The following LRRC7 variants were observed in gnomAD, a reference collection of about 807,000 sequenced individuals.
The protein encoded by LRRC7 is leucine-rich repeat-containing protein 7.
In LRRC7, 23 loss-of-function variants were observed where a neutral mutation model predicts 175.7. That is an observed-to-expected ratio of 0.13 (90% confidence interval 0.09 to 0.19). The LOEUF is 0.19. LRRC7 is among the 10% of genes least tolerant of loss of function. The pLI is 1.00. For synonymous variants in LRRC7, 685 were observed against 680.9 expected (o/e 1.01, Z -0.09); for missense variants, 1,354 against 1,904.7 (o/e 0.71, Z 5.38).
chr1:69,634,845 G>A (rs542268726), intron 1 of LRRC7, among the ~76,000 whole-genome samples: 36 of 152,186 alleles, frequency 2.4e-4, no homozygotes, highest in Admixed American at 7.2e-4. Context: ...AGACTGGGCC[G>A]CAGACTGAAG....
intron 1 of LRRC7, among the ~76,000 whole-genome samples, chr1:69,598,180 A>G (rs760697408): frequency 5.3e-5 from 8 of 151,950 alleles, no homozygotes; most frequent in Non-Finnish European, 1.0e-4. Context: ...GGCTTTTCCT[A>G]CTCTGCTGCT....
intron 8 of LRRC7, among the ~76,000 whole-genome samples, chr1:69,949,551 A>G (rs772368313): frequency 4.1e-5 from 6 of 147,116 alleles, no homozygotes; most frequent in Non-Finnish European, 9.1e-5. Context: ...AGCAAGACCC[A>G]GTCCCAAAGA....
At chr1:70,033,456 G>GTCA (rs888084716) in intron 18 of LRRC7, among the ~76,000 whole-genome samples, 4 of 152,004 alleles carry the variant, frequency 2.6e-5, no homozygotes, top group African/African-American at 4.8e-5. Context: ...TATCATCATT[G>GTCA]TCATCATCAT....
At chr1:69,714,004 C>A (rs551783144) in intron 2 of LRRC7, among the ~76,000 whole-genome samples, 2 of 152,116 alleles carry the variant, frequency 1.3e-5, no homozygotes, top group East Asian at 1.9e-4. Flanking sequence ...TCATCCAGCA[C>A]CCTCATAACA....
intron 14 of LRRC7, among the ~76,000 whole-genome samples, chr1:70,017,346 T>G (rs1415525348): frequency 2.6e-5 from 4 of 152,206 alleles, no homozygotes; most frequent in Non-Finnish European, 5.9e-5. Context: ...ATATTATTTT[T>G]TATCCTCTTG....
intron 7 of LRRC7, among the ~76,000 whole-genome samples, chr1:69,843,858 G>A (rs1682016046): frequency 6.6e-6 from 1 of 152,122 alleles, no homozygotes; most frequent in Non-Finnish European, 1.5e-5. Context: ...GAAGACTAAA[G>A]AGACTAAAAT....
intron 25 of LRRC7, among the ~76,000 whole-genome samples, chr1:70,093,256 A>C (rs779648901): frequency 1.3e-5 from 2 of 152,186 alleles, no homozygotes; most frequent in Non-Finnish European, 2.9e-5. Flanking sequence ...AAGCAATAAA[A>C]ATAATGGCCT....
intron 8 of LRRC7, among the ~76,000 whole-genome samples, chr1:69,943,910 G>C (rs1649004311): frequency 6.8e-6 from 1 of 148,016 alleles, no homozygotes; most frequent in Non-Finnish European, 1.5e-5. Context: ...AATAAAAAAT[G>C]AAAGTTTTTT....
At chr1:69,909,267 T>A (rs1255853862) in intron 7 of LRRC7, among the ~76,000 whole-genome samples, 3 of 152,156 alleles carry the variant, frequency 2.0e-5, no homozygotes, top group Admixed American at 6.6e-5. Context: ...TAGCCCATTT[T>A]CATTTAAAAT....
At chr1:70,010,797 A>C (rs180687457) in intron 11 of LRRC7, among the ~76,000 whole-genome samples, 112 of 152,196 alleles carry the variant, frequency 7.4e-4, no homozygotes, top group African/African-American at 2.6e-3. Flanking sequence ...CAGCTATCTC[A>C]AACCAGGCAT....
At chr1:69,923,595 G>C (rs1050435901) in intron 7 of LRRC7, among the ~76,000 whole-genome samples, 1 of 152,166 alleles carries the variant, frequency 6.6e-6, no homozygotes, top group Non-Finnish European at 1.5e-5. Flanking sequence ...CTGCATAAAT[G>C]TCTTCTTTTC....
intron 4 of LRRC7, among the ~76,000 whole-genome samples, chr1:69,819,728 T>C (rs1047459345): frequency 2.6e-5 from 4 of 152,072 alleles, no homozygotes; most frequent in African/African-American, 9.7e-5. Context: ...ATTTAGGTTA[T>C]CTGATATTGG....
At chr1:69,984,396 A>G (rs1238800417) in intron 9 of LRRC7, among the ~76,000 whole-genome samples, 3 of 152,184 alleles carry the variant, frequency 2.0e-5, no homozygotes, top group Non-Finnish European at 2.9e-5. Context: ...TTTATTGTGT[A>G]TTTGTTTATT....
At chr1:69,976,137 C>G (rs1652796272) in intron 8 of LRRC7, among the ~76,000 whole-genome samples, 2 of 152,136 alleles carry the variant, frequency 1.3e-5, no homozygotes, top group Non-Finnish European at 2.9e-5. Flanking sequence ...AGTCAGGATT[C>G]TCTAGAGGGA....
chr1:69,953,594 TC>T (rs1339308310), intron 8 of LRRC7, among the ~76,000 whole-genome samples: 1 of 152,084 alleles, frequency 6.6e-6, no homozygotes, highest in Non-Finnish European at 1.5e-5. Context: ...GTTGACTCTT[TC>T]CATTTCCTGT....
At chr1:69,947,629 A>G (rs1570764381) in intron 8 of LRRC7, among the ~76,000 whole-genome samples, 2 of 151,964 alleles carry the variant, frequency 1.3e-5, no homozygotes, top group Admixed American at 1.3e-4. Context: ...TTATAGTTAT[A>G]TTTATATACT....
intron 26 of LRRC7, among the ~76,000 whole-genome samples, chr1:70,117,760 C>T (rs1469701741): frequency 1.3e-5 from 2 of 151,966 alleles, no homozygotes; most frequent in South Asian, 2.1e-4. Flanking sequence ...CAACTTAAGC[C>T]ATTTATTTCT....
chr1:69,996,273 G>C (rs574347693), intron 11 of LRRC7, among the ~76,000 whole-genome samples: 2 of 152,094 alleles, frequency 1.3e-5, no homozygotes, highest in Non-Finnish European at 2.9e-5. Flanking sequence ...TAGTAAATTC[G>C]TTGGAGTTCA....
chr1:69,914,125 T>C (rs1004801692), intron 7 of LRRC7, among the ~76,000 whole-genome samples: 8 of 152,066 alleles, frequency 5.3e-5, no homozygotes, highest in Non-Finnish European at 1.0e-4. Context: ...TAGCCAGTAA[T>C]TGGAAAGAGT....
Sources: gnomAD v4.1 joint callset for allele counts (sites outside exome capture counted in the v4.1 genomes callset) on GRCh38, gnomAD v4.1.1 for gene constraint, MANE v1.5 for transcripts, NCBI Gene and HGNC (gene_info 2026-07-23, HGNC 2026-07-21) for gene names.